Variants in NUCKS1 observed in about 807,000 individuals in gnomAD.
NUCKS1 encodes nuclear casein kinase and cyclin dependent kinase substrate 1.
Under a neutral mutation model 33.0 loss-of-function variants are expected in NUCKS1, and 2 were observed. That is an observed-to-expected ratio of 0.06 (90% CI 0.02 to 0.19). The LOEUF (loss-of-function observed/expected upper bound fraction) is 0.19. NUCKS1 is among the 10% of genes least tolerant of loss of function. The pLI is 1.00. For missense variants in NUCKS1, 201 were observed against 293.6 expected, an observed-to-expected ratio of 0.68 and a Z score of 2.31; for synonymous variants, 106 against 102.8, an observed-to-expected ratio of 1.03 and a Z score of -0.19.
intron 1 of NUCKS1, among the ~76,000 whole-genome samples, chr1:205,734,047 A>ATT: frequency 6.8e-6 from 1 of 146,284 alleles, no homozygotes; most frequent in African/African-American, 2.5e-5. Flanking sequence ...ATTAAAAACA[A>ATT]TTTTTTTTTT....
intron 1 of NUCKS1, among the ~76,000 whole-genome samples, chr1:205,746,232 T>G (rs554991266): frequency 6.6e-6 from 1 of 150,764 alleles, no homozygotes; most frequent in Non-Finnish European, 1.5e-5. Flanking sequence ...GAGGTGGAGG[T>G]TGCAATGAGC....
intron 1 of NUCKS1, among the ~76,000 whole-genome samples, chr1:205,747,881 G>C (rs1654370482): frequency 6.6e-6 from 1 of 151,822 alleles, no homozygotes; most frequent in Non-Finnish European, 1.5e-5. Context: ...AATTATTTCT[G>C]CTTTATTATT....
chr1:205,723,145 A>G (rs546570880), intron 4 of NUCKS1, among the ~76,000 whole-genome samples: 14 of 152,296 alleles, frequency 9.2e-5, no homozygotes, highest in African/African-American at 3.4e-4. Context: ...CTTGAATAGG[A>G]GGGAAAGCAA....
At chr1:205,740,745 G>C (rs1654147940) in intron 1 of NUCKS1, among the ~76,000 whole-genome samples, 1 of 151,560 alleles carries the variant, frequency 6.6e-6, no homozygotes, top group African/African-American at 2.4e-5. Context: ...TCTAATTTCT[G>C]CAGAAAACGG....
At chr1:205,737,122 C>G (rs1654052101) in intron 1 of NUCKS1, among the ~76,000 whole-genome samples, 1 of 152,090 alleles carries the variant, frequency 6.6e-6, no homozygotes, top group African/African-American at 2.4e-5. Context: ...TAAAGCAGCA[C>G]CCAGGATGAA....
rs1455679007 is a variant in NUCKS1, at chr1:205,749,889, C to T, written c.17+68G>A. ...GGATGGCGGACTCTAGCCTTCTGTC[C>T]CCCACTCTTTTCACCACTCGCCCCC... On this transcript the variant is annotated intron_variant, in intron 1 of 6. Transcript: ENST00000367142. 1.3e-5 allele frequency: 20 copies of T among 1,511,912 alleles called. No individual in the cohort carries two copies. The Admixed American group carries it at 2.8e-4, about 21-fold the overall frequency. The allele number at this position is 1,511,912 out of a possible 1,614,324, so 93.7% of individuals were successfully genotyped here.
intron 1 of NUCKS1, among the ~76,000 whole-genome samples, chr1:205,730,021 C>CAA (rs1226385521): frequency 1.7e-5 from 2 of 119,690 alleles, no homozygotes; most frequent in Non-Finnish European, 3.6e-5. Context: ...AACTCCATCT[C>CAA]AAAAAAAAAA....
chr1:205,720,602 T>G lies in NUCKS1; in HGVS notation c.281A>C (p.Gln94Pro), dbSNP rs1181054519. Reference sequence around the variant, plus strand: ...TTTAGAAGCTGCTTTAGATGCCGCCTGCCGTTGTTGGCGCACATTTTTATG... The same window carrying G: ...TTTAGAAGCTGCTTTAGATGCCGCCGGCCGTTGTTGGCGCACATTTTTATG... ...EDHKNVRQQRQAASKAASKQR... is the reference protein window; with the variant it reads ...EDHKNVRQQRPAASKAASKQR... Residue 94 changes from glutamine (Q) to proline (P), a missense_variant, in exon 5 of 7, where the codon CAG (glutamine) becomes CCG (proline). Coordinates refer to ENST00000367142, the MANE Select transcript of NUCKS1 (RefSeq NM_022731.5). The G allele has an allele frequency of 6.2e-7, 1 of 1,614,188 alleles. No individual in the cohort carries two copies. The highest frequency in any genetic ancestry group is 8.5e-7 in the Non-Finnish European group (1 of 1,180,010).
In NUCKS1 at chr1:205,750,139, T is replaced by A. The variant is rs1390412506; in HGVS notation, c.-166A>T. The A allele has an allele frequency of 1.5e-6, 1 of 671,030 alleles. No individual in the cohort carries two copies. The highest frequency in any genetic ancestry group is 2.6e-6 in the Non-Finnish European group (1 of 386,098). 41.6% of individuals were successfully genotyped at this position (671,030 alleles called of 1,614,324 possible). A position where few individuals can be genotyped will look rare whatever the true frequency, so the allele number is the denominator to read the frequency against. ...CCGCTGCTCTTTGGTTCAGGGCTCC[T>A]GGAACAGACGAGCCCCCCGCTCCCC... On this transcript the variant is annotated 5_prime_UTR_variant, in exon 1 of 7. Transcript: ENST00000367142.
rs752476044 is a variant in NUCKS1 at position 205,717,496 on chromosome 1, CTT to C, written c.*782_*783del. 16,248 of 894,280 alleles carry C rather than the reference CTT, an allele frequency of 0.018. No individual in the cohort carries two copies. The highest frequency in any genetic ancestry group is 0.019 in the Non-Finnish European group (14,622 of 757,850). The allele number at this position is 894,280 out of a possible 1,614,324, so 55.4% of individuals were successfully genotyped here. A position where few individuals can be genotyped will look rare whatever the true frequency, so the allele number is the denominator to read the frequency against. ...AAATCAAGAGTTTTGGCAGCCCCTG[CTT>C]TTTTTTTTTTTTTAGCTCCCTAAAG... On this transcript the variant is annotated 3_prime_UTR_variant, in exon 7 of 7. Transcript: ENST00000367142.
Position 205,717,864 on chromosome 1 carries a change from A to G in NUCKS1, c.*416T>C, listed in dbSNP as rs999746253. The G allele has an allele frequency of 2.0e-6, 2 of 986,800 alleles. No individual in the cohort carries two copies. Among genetic ancestry groups the G allele is most frequent in the Non-Finnish European group, 2.4e-6 (2 of 830,676 alleles). The allele number at this position is 986,800 out of a possible 1,614,324, so 61.1% of individuals were successfully genotyped here. A position where few individuals can be genotyped will look rare whatever the true frequency, so the allele number is the denominator to read the frequency against. The stretch of plus-strand genomic sequence containing the variant: ...AATCTTTCTATGTTTTTTGATTACT[A>G]TTCAACTTGCTATTTTTTAGCAAAA... On this transcript the variant is annotated 3_prime_UTR_variant, in exon 7 of 7. Coordinates refer to ENST00000367142, the MANE Select transcript of NUCKS1 (RefSeq NM_022731.5).
rs1671812070 is a variant in NUCKS1 at position 205,715,842 on chromosome 1, T to C, written c.*2438A>G. On this transcript the variant is annotated 3_prime_UTR_variant, in exon 7 of 7. Transcript: ENST00000367142. ...TGGCCAGTCAGTATCGGCTTACAGC[T>C]TGTAATGCGTCCTGACATCACTATC... 1 of 152,210 alleles carries C rather than the reference T, an allele frequency of 6.6e-6. No individual in the cohort carries two copies. The highest frequency in any genetic ancestry group is 2.1e-4 in the South Asian group (1 of 4,830). The allele number at this position is 152,210 out of a possible 1,614,324, so 9.4% of individuals were successfully genotyped here. A position where few individuals can be genotyped will look rare whatever the true frequency, so the allele number is the denominator to read the frequency against.
At chr1:205,741,379 GATAA>G (rs1221469375) in intron 1 of NUCKS1, among the ~76,000 whole-genome samples, 6 of 151,040 alleles carry the variant, frequency 4.0e-5, no homozygotes, top group Non-Finnish European at 3.0e-5. Context: ...TAAAGTATTT[GATAA>G]ATAAAGTCAG....
chr1:205,739,997 GTTTTTT>G (rs60866378), intron 1 of NUCKS1, among the ~76,000 whole-genome samples: 6 of 81,764 alleles, frequency 7.3e-5, no homozygotes, highest in Non-Finnish European at 1.3e-4. Context: ...TTTACTTTAG[GTTTTTT>G]TTTTTTTTTT....
intron 5 of NUCKS1, 150 bp from the exon 6 acceptor site, chr1:205,719,826 G>T: frequency 1.4e-6 from 1 of 725,370 alleles, no homozygotes; most frequent in Non-Finnish European, 2.1e-6. Flanking sequence ...AATTTGACTG[G>T]AGTCATCACT....
chr1:205,731,846 A>C (rs1653920772), intron 1 of NUCKS1, among the ~76,000 whole-genome samples: 1 of 151,952 alleles, frequency 6.6e-6, no homozygotes, highest in Non-Finnish European at 1.5e-5. Flanking sequence ...GAGTGAGCCA[A>C]CATCACGCCA....
chr1:205,746,948 TA>T (rs970866070), intron 1 of NUCKS1, among the ~76,000 whole-genome samples: 17 of 152,278 alleles, frequency 1.1e-4, no homozygotes, highest in African/African-American at 4.1e-4. Flanking sequence ...CTGGAGAGTG[TA>T]ACAGCTGAAT....
chr1:205,724,063 GAGA>G (rs775533151), intron 3 of NUCKS1, 82 bp from the exon 4 acceptor site: 27 of 1,004,618 alleles, frequency 2.7e-5, no homozygotes, highest in South Asian at 2.5e-4. Flanking sequence ...TTTCTGACTT[GAGA>G]AGAAGTGAAA....
chr1:205,748,008 A>C (rs1456107312), intron 1 of NUCKS1, among the ~76,000 whole-genome samples: 1 of 152,096 alleles, frequency 6.6e-6, no homozygotes, highest in Non-Finnish European at 1.5e-5. Flanking sequence ...AAAAAAAAAA[A>C]CAGCCCACAA....
Sources: allele counts gnomAD v4.1 joint callset (sites outside exome capture counted in the v4.1 genomes callset), GRCh38; gene constraint gnomAD v4.1.1; transcripts MANE v1.5; gene names NCBI Gene and HGNC (gene_info 2026-07-23, HGNC 2026-07-21).